The following RIN3 variants were observed in gnomAD, a reference collection of about 807,000 sequenced individuals.
RIN3 encodes the protein RAB5 interacting protein 3.
Under a neutral mutation model 76.3 loss-of-function variants are expected in RIN3, and 54 were observed. That is an observed-to-expected ratio of 0.71 (90% confidence interval 0.57 to 0.89). RIN3 has a LOEUF of 0.89. Ranked by LOEUF, RIN3 falls within the 40% of genes least tolerant of loss-of-function variation. The pLI is 0.00. For synonymous variants in RIN3, 576 were observed against 564.0 expected (o/e 1.02, Z -0.30); for missense variants, 1,256 against 1,322.1 (o/e 0.95, Z 0.78).
At position 92,555,799 on chromosome 14, in the gene RIN3, C is replaced by T; in HGVS notation, c.93C>T (p.Gly31=). The T allele has an allele frequency of 6.2e-7, 1 of 1,614,164 alleles. No individual in the cohort carries two copies. The highest frequency in any genetic ancestry group is 8.5e-7 in the Non-Finnish European group (1 of 1,180,036). ...GKGEEEEEED[G]MRLCLPANPK... ...GAGAGGAAGAGGAAGAGGAAGATGG[C>T]ATGCGGCTTTGTCTGCCAGCCAACC... The change falls in exon 2 of 10, where the codon GGC becomes GGT. Residue 31 remains glycine, a synonymous_variant. Coordinates refer to ENST00000216487, the MANE Select transcript of RIN3 (RefSeq NM_024832.5).
chr14:92,595,744 C>T (rs1210989873), intron 3 of RIN3, among the ~76,000 whole-genome samples: 8 of 152,186 alleles, frequency 5.3e-5, no homozygotes, highest in Admixed American at 5.2e-4. Flanking sequence ...TACAAAATGC[C>T]TTGGAAAGAT....
rs1426548384 is a variant in RIN3, at chr14:92,568,318, C to G, written c.250-9042C>G. On this transcript the variant is annotated intron_variant, in intron 2 of 9. Coordinates refer to ENST00000216487, the MANE Select transcript of RIN3 (RefSeq NM_024832.5). The surrounding 1 kb of genome is among the most constrained non-coding windows in gnomAD (Gnocchi z 4.2). ...TGGGGACACTCGATCAGCGAGTGGGCAGGGAGGCAATGTAGATATAAACAA... is the reference window on the plus strand; with the variant it reads ...TGGGGACACTCGATCAGCGAGTGGGGAGGGAGGCAATGTAGATATAAACAA... Among the ~76,000 whole-genome samples the G allele has an allele frequency of 6.6e-6, 1 of 152,096 alleles. No homozygotes were observed.
rs544166664 is a variant in RIN3 at position 92,656,089 on chromosome 14, G to C, written c.2026+3014G>C. Among the ~76,000 whole-genome samples, 188 of 152,336 alleles carry C rather than the reference G, an allele frequency of 1.2e-3. 1 individual carries two copies. The highest frequency in any genetic ancestry group is 3.7e-3 in the Admixed American group (56 of 15,306). On this transcript the variant is annotated intron_variant, in intron 6 of 9. Coordinates refer to ENST00000216487, the MANE Select transcript of RIN3 (RefSeq NM_024832.5). The surrounding 1 kb of genome is among the most constrained non-coding windows in gnomAD (Gnocchi z 5.2). ...ACACAGAAGGGCATGGGAGGACGTG[G>C]AAGGACATGGAAAACTCCAAGTGGC...
rs1037472178 is a variant in RIN3 at position 92,555,748 on chromosome 14, C to T, written c.45-3C>T. 6.2e-7 allele frequency: 1 copy of T among 1,614,016 alleles called. No individual in the cohort carries two copies. On this transcript the variant is annotated splice_region_variant and splice_polypyrimidine_tract_variant and intron_variant, in intron 1 of 9. Transcript: ENST00000216487. ...TAGCTGATCATTGAATTCTGTTTTT[C>T]AGTCCGGTTCCAGTTGTTGGCAAAG...
intron 2 of RIN3, among the ~76,000 whole-genome samples, chr14:92,567,030 T>C (rs1897933540): frequency 6.6e-6 from 1 of 152,192 alleles, no homozygotes; most frequent in African/African-American, 2.4e-5. Context: ...AAACGTGGCC[T>C]GGAGGTCACG....
At chr14:92,670,497 G>A (rs754427843) in intron 7 of RIN3, among the ~76,000 whole-genome samples, 2 of 152,182 alleles carry the variant, frequency 1.3e-5, no homozygotes, top group Admixed American at 1.3e-4. Context: ...TGGGGTTCCA[G>A]GCTGCTCAGG....
chr14:92,547,058 AAATTAT>A (rs1897286076), intron 1 of RIN3, among the ~76,000 whole-genome samples: 4 of 78,794 alleles, frequency 5.1e-5, no homozygotes, highest in African/African-American at 7.6e-5. Flanking sequence ...ATAATAAAAT[AAATTAT>A]ATTTTATTTT....
chr14:92,628,357 G>T (rs1886432241), intron 4 of RIN3, among the ~76,000 whole-genome samples: 1 of 152,154 alleles, frequency 6.6e-6, no homozygotes, highest in African/African-American at 2.4e-5. Flanking sequence ...AAATTCTAAG[G>T]AGGGCTTAGT....
At position 92,652,577 on chromosome 14, in the gene RIN3, A is replaced by G; in HGVS notation, c.1528A>G (p.Thr510Ala). 1.2e-6 allele frequency: 2 copies of G among 1,612,258 alleles called. No homozygotes were observed. Among genetic ancestry groups the G allele is most frequent in the Non-Finnish European group, 1.7e-6 (2 of 1,179,834 alleles). ...CCAAAGCCCTGCTTCTCAGGCTGGGACTCAGCACCCTCCTGCCCAGGCCAC... is the reference window on the plus strand; with the variant it reads ...CCAAAGCCCTGCTTCTCAGGCTGGGGCTCAGCACCCTCCTGCCCAGGCCAC... Reference protein sequence around the residue: ...EGQSPASQAGTQHPPAQATAH... With the variant: ...EGQSPASQAGAQHPPAQATAH... The change falls in exon 6 of 10, where the codon ACT (threonine) becomes GCT (alanine). Residue 510 changes from threonine (T) to alanine (A), a missense_variant. Coordinates refer to ENST00000216487, the MANE Select transcript of RIN3 (RefSeq NM_024832.5). The surrounding 1 kb of genome is among the most constrained non-coding windows in gnomAD (Gnocchi z 6.4).
At chr14:92,534,704 T>C (rs10137756) in intron 1 of RIN3, among the ~76,000 whole-genome samples, 3,465 of 152,128 alleles carry the variant, frequency 0.023, 137 homozygotes, top group African/African-American at 0.08. Context: ...CCAGGGCAGC[T>C]GAGGGGCAGC....
intron 4 of RIN3, among the ~76,000 whole-genome samples, chr14:92,637,598 T>C (rs1886821274): frequency 6.6e-6 from 1 of 152,194 alleles, no homozygotes; most frequent in Non-Finnish European, 1.5e-5. Flanking sequence ...TTTTGTATTG[T>C]ATGACTTTGG....
rs917877276 is a variant in RIN3, at chr14:92,688,312, C to T, written c.*60C>T. The T allele has an allele frequency of 1.0e-5, 15 of 1,429,856 alleles. No homozygotes were observed. The highest frequency in any genetic ancestry group is 5.0e-5 in the Admixed American group (2 of 39,892). 88.6% of individuals were successfully genotyped at this position (1,429,856 alleles called of 1,614,324 possible). On this transcript the variant is annotated 3_prime_UTR_variant, in exon 10 of 10. Transcript: ENST00000216487. ...GCACGTCTGGCCCCGCCTCTGGCTG[C>T]GCACTCCCGACCGCGACGTCCACGC... is the stretch of plus-strand genomic sequence containing the variant.
Position 92,659,403 on chromosome 14 carries a change from A to G in RIN3, c.2269A>G (p.Lys757Glu). ...TSMHKAYSPEKKISILLKTCK... is the reference protein window; with the variant it reads ...TSMHKAYSPEEKISILLKTCK... ...CATGCACAAGGCCTACTCACCTGAG[A>G]AGAAGATCTCCATCCTGCTCAAGAC... The change falls in exon 7 of 10, where the codon AAG becomes GAG. Residue 757 changes from lysine (K) to glutamate (E), a missense_variant. Around this residue, in one of 3 missense-constraint regions of RIN3, gnomAD observed 428 missense variants for 521.2 expected, o/e 0.82. Coordinates refer to ENST00000216487, the MANE Select transcript of RIN3 (RefSeq NM_024832.5). 1 of 1,613,624 alleles carries G rather than the reference A, an allele frequency of 6.2e-7. No individual in the cohort carries two copies. Among genetic ancestry groups the G allele is most frequent in the Non-Finnish European group, 8.5e-7 (1 of 1,179,720 alleles).
intron 7 of RIN3, among the ~76,000 whole-genome samples, chr14:92,668,192 A>G (rs1010713074): frequency 3.3e-5 from 5 of 152,170 alleles, no homozygotes; most frequent in African/African-American, 1.2e-4. Flanking sequence ...TTAGGGTCAC[A>G]CCTGATGAGC....
At chr14:92,547,100 T>TATA (rs1566836649) in intron 1 of RIN3, among the ~76,000 whole-genome samples, 1 of 70,384 alleles carries the variant, frequency 1.4e-5, no homozygotes, top group South Asian at 4.6e-4. Context: ...ATATTATAAT[T>TATA]AAATAAATTA....
intron 2 of RIN3, chr14:92,576,094 T>C: frequency 3.6e-6 from 2 of 558,138 alleles, no homozygotes; most frequent in Non-Finnish European, 5.4e-6. Context: ...GGGGAAGACA[T>C]GGACCAAGTC....
At chr14:92,561,044 A>AAATATATATATATATATATATAT (rs1555383856) in intron 2 of RIN3, among the ~76,000 whole-genome samples, 12 of 24,394 alleles carry the variant, frequency 4.9e-4, no homozygotes, top group Non-Finnish European at 7.9e-4. Flanking sequence ...AAAAAAAAAA[A>AAATATATATATATATATATATAT]ATATATATAT....
intron 4 of RIN3, among the ~76,000 whole-genome samples, chr14:92,628,461 A>G (rs1239797762): frequency 1.3e-5 from 2 of 152,194 alleles, no homozygotes; most frequent in Admixed American, 1.3e-4. Flanking sequence ...CTCCAATCTT[A>G]GAGTGTCAGA....
chr14:92,521,465 G>T (rs59076939), intron 1 of RIN3, among the ~76,000 whole-genome samples: 9,982 of 152,134 alleles, frequency 0.066, 1,086 homozygotes, highest in African/African-American at 0.23. Context: ...CATGGGGGCA[G>T]ATCCATCATG....
Sources: gnomAD v4.1 joint callset for allele counts (sites outside exome capture counted in the v4.1 genomes callset) on GRCh38, gnomAD v4.1.1 for gene constraint, gnomAD v4.1.1 regional missense constraint, Gnocchi (gnomAD v3.1) non-coding constraint, MANE v1.5 for transcripts, NCBI Gene and HGNC (gene_info 2026-07-23, HGNC 2026-07-21) for gene names.